SYCP1: variants seen among roughly 807,000 people sequenced by gnomAD.
SYCP1 encodes the protein cancer/testis antigen 8.
A neutral mutation model predicts 153.1 loss-of-function variants in SYCP1; 64 were observed. That is an observed-to-expected ratio of 0.42 (90% confidence interval 0.34 to 0.51). The LOEUF (loss-of-function observed/expected upper bound fraction) is 0.51. Ranked by LOEUF, SYCP1 falls within the 20% of genes least tolerant of loss-of-function variation. SYCP1 has a pLI of 0.06. For missense variants in SYCP1, 997 were observed against 1,049.0 expected (o/e 0.95, Z 0.68); for synonymous variants, 384 against 341.8 (o/e 1.12, Z -1.36).
intron 3 of SYCP1, 30 bp from the exon 4 acceptor site, chr1:114,857,202 A>G (rs370118219): frequency 8.2e-5 from 124 of 1,512,886 alleles, no homozygotes; most frequent in Non-Finnish European, 1.1e-4. Flanking sequence ...ATGTTGGCGT[A>G]TTTAATACCT....
intron 29 of SYCP1, among the ~76,000 whole-genome samples, chr1:114,984,330 A>G (rs890005737): frequency 4.6e-5 from 7 of 152,108 alleles, no homozygotes; most frequent in African/African-American, 1.7e-4. Flanking sequence ...TTTTCTCACA[A>G]TGTAATAAGG....
At chr1:114,874,888 C>A (rs182940121) in intron 9 of SYCP1, among the ~76,000 whole-genome samples, 126 of 152,156 alleles carry the variant, frequency 8.3e-4, no homozygotes, top group African/African-American at 2.8e-3. Context: ...CTTCTGTTTA[C>A]CTTTGTTTTC....
chr1:114,995,312 A>G lies in SYCP1; in HGVS notation c.*293A>G, dbSNP rs11084. 110,341 of 210,822 alleles carry G rather than the reference A, an allele frequency of 0.52. 30,060 individuals carry two copies. Among genetic ancestry groups the G allele is most frequent in the Middle Eastern group, 0.63 (325 of 514 alleles). 13.1% of individuals were successfully genotyped at this position (210,822 alleles called of 1,614,324 possible). On this transcript the variant is annotated 3_prime_UTR_variant, in exon 32 of 32. Coordinates refer to ENST00000369522, the MANE Select transcript of SYCP1 (RefSeq NM_003176.4). ...TTGTAAAGTTAGCCTTTGAATGCTA[A>G]GAATGCATTATTGAGGGTCATTCTT...
At chr1:114,968,896 T>C (rs992119239) in intron 27 of SYCP1, among the ~76,000 whole-genome samples, 15 of 152,374 alleles carry the variant, frequency 9.8e-5, no homozygotes, top group Non-Finnish European at 2.1e-4. Flanking sequence ...TTGATGATAC[T>C]GCTTTCTGTT....
chr1:114,917,983 A>C (rs1463312463), intron 20 of SYCP1, among the ~76,000 whole-genome samples: 2 of 151,104 alleles, frequency 1.3e-5, no homozygotes, highest in East Asian at 3.9e-4. Flanking sequence ...AAGCTTTTTA[A>C]CTTGATGTGA....
At chr1:114,907,875 T>C (rs985551024) in intron 16 of SYCP1, among the ~76,000 whole-genome samples, 3 of 152,206 alleles carry the variant, frequency 2.0e-5, no homozygotes, top group African/African-American at 7.2e-5. Flanking sequence ...TCCTTTATGC[T>C]AGAGTTGTCA....
intron 17 of SYCP1, among the ~76,000 whole-genome samples, chr1:114,910,904 A>G (rs1003947984): frequency 1.3e-5 from 2 of 152,088 alleles, no homozygotes; most frequent in Admixed American, 6.6e-5. Context: ...CTAGGATTAT[A>G]GGGGCACACC....
Position 114,911,380 on chromosome 1 carries a change from A to T in SYCP1, c.1426-99A>T, listed in dbSNP as rs541680061. The T allele has an allele frequency of 2.0e-5, 16 of 784,170 alleles. No homozygotes were observed. In the South Asian group the frequency reaches 4.0e-4, roughly 19 times the overall value. The allele number at this position is 784,170 out of a possible 1,614,324, so 48.6% of individuals were successfully genotyped here. ...TAAAATATTTGACATAACCTGCCAA[A>T]TTTTTGCCAAATATATGACTTAATT... On this transcript the variant is annotated intron_variant, in intron 17 of 31. Transcript: ENST00000369522.
At chr1:114,912,124 A>G (rs745982870) in intron 18 of SYCP1, among the ~76,000 whole-genome samples, 37 of 151,898 alleles carry the variant, frequency 2.4e-4, no homozygotes, top group Non-Finnish European at 3.8e-4. Context: ...TAGATTAAAT[A>G]TGAGAAGTAA....
At chr1:114,897,508 C>T (rs1482397817) in intron 16 of SYCP1, among the ~76,000 whole-genome samples, 1 of 152,156 alleles carries the variant, frequency 6.6e-6, no homozygotes, top group Non-Finnish European at 1.5e-5. Flanking sequence ...GTATGTCAGG[C>T]TTCTAGGTTC....
At chr1:114,971,204 G>A (rs1201034583) in intron 27 of SYCP1, among the ~76,000 whole-genome samples, 1 of 152,160 alleles carries the variant, frequency 6.6e-6, no homozygotes, top group African/African-American at 2.4e-5. Flanking sequence ...TACTACGTCA[G>A]GTAGAGAAAA....
At chr1:114,859,705 A>G (rs929414127) in intron 6 of SYCP1, 38 bp from the exon 7 acceptor site, 18 of 986,058 alleles carry the variant, frequency 1.8e-5, no homozygotes, top group African/African-American at 5.3e-5. Flanking sequence ...TTTTGCTAAT[A>G]AGCAAAATGG....
intron 27 of SYCP1, among the ~76,000 whole-genome samples, chr1:114,962,916 C>T (rs988516936): frequency 6.6e-6 from 1 of 152,060 alleles, no homozygotes. Context: ...TTTATCTTTT[C>T]TTCATTTTTG....
chr1:114,854,143 C>A (rs1185098070), upstream of SYCP1, among the ~76,000 whole-genome samples: 1 of 151,514 alleles, frequency 6.6e-6, no homozygotes, highest in Non-Finnish European at 1.5e-5. Flanking sequence ...TCTCCTCTGT[C>A]TCCTCTCTCT....
chr1:114,986,044 G>A (rs968440798), intron 30 of SYCP1, among the ~76,000 whole-genome samples: 2 of 151,866 alleles, frequency 1.3e-5, no homozygotes, highest in Non-Finnish European at 2.9e-5. Flanking sequence ...AAGTATACAG[G>A]AGGAAGTACA....
At chr1:114,915,249 A>G (rs532968959) in intron 20 of SYCP1, among the ~76,000 whole-genome samples, 3 of 152,232 alleles carry the variant, frequency 2.0e-5, no homozygotes, top group Non-Finnish European at 4.4e-5. Flanking sequence ...GTTTTTTTGT[A>G]TTTCTTTGGT....
chr1:114,887,908 G>C (rs945263178), intron 15 of SYCP1, among the ~76,000 whole-genome samples: 2 of 152,110 alleles, frequency 1.3e-5, no homozygotes, highest in South Asian at 4.1e-4. Context: ...ATATTTAGAA[G>C]TGTGGGGAGC....
chr1:114,971,647 G>C (rs79513028), intron 27 of SYCP1, among the ~76,000 whole-genome samples: 7,150 of 152,120 alleles, frequency 0.047, 207 homozygotes, highest in African/African-American at 0.06. Context: ...TATCATGAAG[G>C]GATGTTAAAT....
At chr1:114,967,291 A>G (rs1016799174) in intron 27 of SYCP1, among the ~76,000 whole-genome samples, 1 of 152,096 alleles carries the variant, frequency 6.6e-6, no homozygotes, top group East Asian at 1.9e-4. Flanking sequence ...GTTTCCTACT[A>G]TTACTGTGTG....
Sources: allele counts gnomAD v4.1 joint callset (sites outside exome capture counted in the v4.1 genomes callset), GRCh38; gene constraint gnomAD v4.1.1; transcripts MANE v1.5; gene names NCBI Gene and HGNC (gene_info 2026-07-23, HGNC 2026-07-21).